The following NUDT3 variants were observed in gnomAD, a reference collection of about 807,000 sequenced individuals.
NUDT3 encodes the protein diphosphoinositol polyphosphate phosphohydrolase 1.
A neutral mutation model predicts 23.6 loss-of-function variants in NUDT3; 9 were observed. The ratio of observed to expected loss-of-function variants is 0.38; its 90% confidence interval spans 0.23 to 0.66. The LOEUF (loss-of-function observed/expected upper bound fraction) is 0.66. Ranked by LOEUF, NUDT3 falls within the 30% of genes least tolerant of loss-of-function variation. The pLI is 0.52. For synonymous variants in NUDT3, 86 were observed against 82.6 expected (o/e 1.04, Z -0.22); for missense variants, 172 against 218.5 (o/e 0.79, Z 1.34).
chr6:34,342,383 G>A (rs539656810), intron 1 of NUDT3, among the ~76,000 whole-genome samples: 51 of 150,684 alleles, frequency 3.4e-4, no homozygotes, highest in East Asian at 2.5e-3. Context: ...CCTTGGCCAT[G>A]ATTGCCATCA....
At chr6:34,363,988 C>T (rs1307378219) in intron 1 of NUDT3, among the ~76,000 whole-genome samples, 2 of 151,978 alleles carry the variant, frequency 1.3e-5, no homozygotes, top group Admixed American at 6.6e-5. Flanking sequence ...TGTCGCCCAA[C>T]GTCTGTTTCT....
At chr6:34,360,639 T>C (rs1357369038) in intron 1 of NUDT3, among the ~76,000 whole-genome samples, 3 of 152,138 alleles carry the variant, frequency 2.0e-5, no homozygotes, top group African/African-American at 7.2e-5. Flanking sequence ...AGAATGACCA[T>C]TTAGTAAGAC....
At chr6:34,363,929 C>T (rs1051024359) in intron 1 of NUDT3, among the ~76,000 whole-genome samples, 4 of 152,068 alleles carry the variant, frequency 2.6e-5, no homozygotes, top group South Asian at 2.1e-4. Context: ...CCCACCACCA[C>T]GCCCAGCTAA....
rs185437650 is a variant in NUDT3, at chr6:34,351,776, T to C, written c.100-9804A>G. 1.6e-4 allele frequency among the ~76,000 whole-genome samples: 20 copies of C among 123,138 alleles called. 2 individuals carry two copies. The highest frequency in any genetic ancestry group is 4.6e-4 in the African/African-American group (14 of 30,402). The allele number at this position is 123,138 out of a possible 152,430, so 80.8% of individuals were successfully genotyped here. On this transcript the variant is annotated intron_variant, in intron 1 of 4. Coordinates refer to ENST00000607016, the MANE Select transcript of NUDT3 (RefSeq NM_006703.4). Reference sequence around the variant, plus strand: ...AAAAAAAAAAAAGAAATAGAAAAAATATACATACACACAGATGTATCATTC... The same window carrying C: ...AAAAAAAAAAAAGAAATAGAAAAAACATACATACACACAGATGTATCATTC...
chr6:34,326,708 C>T (rs1764037181), intron 2 of NUDT3, among the ~76,000 whole-genome samples: 1 of 151,950 alleles, frequency 6.6e-6, no homozygotes, highest in South Asian at 2.1e-4. Flanking sequence ...TCAAGCAATT[C>T]TCCTGCCTCA....
intron 1 of NUDT3, among the ~76,000 whole-genome samples, chr6:34,374,426 T>C (rs544959219): frequency 6.6e-6 from 1 of 152,292 alleles, no homozygotes; most frequent in South Asian, 2.1e-4. Flanking sequence ...CACAGTAAAT[T>C]CACAGAGCAC....
rs763153596 is a variant in NUDT3, at chr6:34,366,204, CA to C, written c.100-24233del. ...CAACATAGGAAGACCCCATCTCTAC[CA>C]AAAAAAAAAAAATACAAAAAGTAGC... On this transcript the variant is annotated intron_variant, in intron 1 of 4. Transcript: ENST00000607016. 3.0e-3 allele frequency among the ~76,000 whole-genome samples: 400 copies of C among 133,164 alleles called. 1 individual carries two copies. The highest frequency in any genetic ancestry group is 0.014 in the East Asian group (68 of 4,700). The allele number at this position is 133,164 out of a possible 152,430, so 87.4% of individuals were successfully genotyped here.
chr6:34,358,265 A>G (rs2113749602), intron 1 of NUDT3, among the ~76,000 whole-genome samples: 1 of 150,332 alleles, frequency 6.7e-6, no homozygotes, highest in South Asian at 2.1e-4. Context: ...GTTTACACAC[A>G]CACACACACA....
At chr6:34,309,027 A>G (rs1203148390) in intron 2 of NUDT3, among the ~76,000 whole-genome samples, 4 of 152,308 alleles carry the variant, frequency 2.6e-5, no homozygotes, top group Admixed American at 2.6e-4. Flanking sequence ...ACACCTTAAC[A>G]AATCTGAAAG....
intron 2 of NUDT3, among the ~76,000 whole-genome samples, chr6:34,302,630 G>A (rs1763616182): frequency 6.6e-6 from 1 of 152,098 alleles, no homozygotes; most frequent in Non-Finnish European, 1.5e-5. Context: ...TACTCGGGAG[G>A]CTGAGGCAGG....
At chr6:34,377,646 A>C (rs535618667) in intron 1 of NUDT3, among the ~76,000 whole-genome samples, 2 of 151,842 alleles carry the variant, frequency 1.3e-5, no homozygotes, top group East Asian at 2.0e-4. Flanking sequence ...TCAGCCTGGC[A>C]AACATGGTGA....
intron 1 of NUDT3, among the ~76,000 whole-genome samples, chr6:34,364,269 T>C (rs1176502552): frequency 6.6e-6 from 1 of 152,242 alleles, no homozygotes; most frequent in African/African-American, 2.4e-5. Flanking sequence ...AGCTGTCTTA[T>C]GGTAAATTAT....
At chr6:34,304,694 C>T (rs1382179642) in intron 2 of NUDT3, among the ~76,000 whole-genome samples, 5 of 150,768 alleles carry the variant, frequency 3.3e-5, no homozygotes, top group African/African-American at 1.2e-4. Flanking sequence ...GGCTCTTACT[C>T]TGTCTCCCAG....
At chr6:34,306,923 G>A (rs1473243205) in intron 2 of NUDT3, among the ~76,000 whole-genome samples, 1 of 152,146 alleles carries the variant, frequency 6.6e-6, no homozygotes, top group Non-Finnish European at 1.5e-5. Context: ...CCTCGACTAA[G>A]GAGCAATTCT....
At chr6:34,305,201 C>T (rs936080160) in intron 2 of NUDT3, among the ~76,000 whole-genome samples, 1 of 149,168 alleles carries the variant, frequency 6.7e-6, no homozygotes, top group Non-Finnish European at 1.5e-5. Flanking sequence ...AGGCTGGTCT[C>T]GAACTCCTGA....
At chr6:34,339,208 T>C (rs1370778323) in intron 2 of NUDT3, among the ~76,000 whole-genome samples, 2 of 152,256 alleles carry the variant, frequency 1.3e-5, no homozygotes, top group Non-Finnish European at 2.9e-5. Flanking sequence ...AGCAATCTTG[T>C]TCAAGTGCTT....
At chr6:34,360,012 T>C (rs966876456) in intron 1 of NUDT3, among the ~76,000 whole-genome samples, 2 of 151,898 alleles carry the variant, frequency 1.3e-5, no homozygotes, top group Non-Finnish European at 2.9e-5. Flanking sequence ...GCAGATTGCT[T>C]GAGTCCAGGA....
intron 2 of NUDT3, among the ~76,000 whole-genome samples, chr6:34,336,636 T>C (rs1401034266): frequency 6.6e-6 from 1 of 152,008 alleles, no homozygotes; most frequent in Non-Finnish European, 1.5e-5. Context: ...ATAAAATCTT[T>C]GTCCAGACCA....
At chr6:34,303,109 G>A (rs889550925) in intron 2 of NUDT3, among the ~76,000 whole-genome samples, 1 of 151,398 alleles carries the variant, frequency 6.6e-6, no homozygotes, top group Non-Finnish European at 1.5e-5. Context: ...ACAGCTTACT[G>A]CAGCCTTGAC....
Sources: gnomAD v4.1 joint callset for allele counts (sites outside exome capture counted in the v4.1 genomes callset) on GRCh38, gnomAD v4.1.1 for gene constraint, MANE v1.5 for transcripts, NCBI Gene and HGNC (gene_info 2026-07-23, HGNC 2026-07-21) for gene names.